ADAMTSL1: variants seen among roughly 807,000 people sequenced by gnomAD.
The protein encoded by ADAMTSL1 is ADAMTS like 1.
A neutral mutation model predicts 201.8 loss-of-function variants in ADAMTSL1; 126 were observed. The observed-to-expected ratio is 0.62, with a 90% CI of 0.54 to 0.72. ADAMTSL1 has a LOEUF of 0.72. Among genes scored for constraint, ADAMTSL1 ranks in the 30% least tolerant of loss-of-function variants. The pLI is 0.00. For missense variants in ADAMTSL1, 2,679 were observed against 2,277.8 expected (o/e 1.18, Z -3.59); for synonymous variants, 1,121 against 903.4 (o/e 1.24, Z -4.32).
At chr9:18,722,130 A>G (rs1833427310) in intron 15 of ADAMTSL1, among the ~76,000 whole-genome samples, 1 of 141,706 alleles carries the variant, frequency 7.1e-6, no homozygotes, top group African/African-American at 2.5e-5. Context: ...TCATCGTAGC[A>G]TGCTCTGGGG....
At position 18,795,491 on chromosome 9, in the gene ADAMTSL1, T is replaced by A; in HGVS notation, c.3772T>A (p.Tyr1258Asn). Residue 1258 changes from tyrosine (Y) to asparagine (N), a missense_variant, in exon 20 of 29, where the codon TAC (tyrosine) becomes AAC (asparagine). Tyr to Asn is a moderately radical substitution (Grantham distance 143, BLOSUM62 -2). Coordinates refer to ENST00000380548, the MANE Select transcript of ADAMTSL1 (RefSeq NM_001040272.6). Reference protein sequence around the residue: ...YTCNATNALGYDSVSIAVTLA... With the variant: ...YTCNATNALGNDSVSIAVTLA... ...TTGCAATGCCACCAATGCCTTGGGA[T>A]ACGACTCTGTCTCCATTGCCGTCAC... The A allele has an allele frequency of 6.2e-7, 1 of 1,613,732 alleles. No homozygotes were observed. The highest frequency in any genetic ancestry group is 8.5e-7 in the Non-Finnish European group (1 of 1,179,780).
At position 18,569,003 on chromosome 9, in the gene ADAMTSL1, G is replaced by T. The variant is rs1359181841; in HGVS notation, c.238-5027G>T. ...AAAAATTAATGCTTCTCCTGACCCT[G>T]AATCTACATTATGTATATTTTTCAA... On this transcript the variant is annotated intron_variant, in intron 3 of 28. Transcript: ENST00000380548. 3.9e-4 allele frequency among the ~76,000 whole-genome samples: 60 copies of T among 152,252 alleles called. No homozygotes were observed. The East Asian group carries it at 0.011, about 29-fold the overall frequency.
chr9:18,804,420 G>T (rs4977444), intron 20 of ADAMTSL1, among the ~76,000 whole-genome samples: 118,899 of 152,130 alleles, frequency 0.78, 46,663 homozygotes, highest in Non-Finnish European at 0.79. Context: ...TTGCAAGAAG[G>T]TCAGCAGGGA....
chr9:18,349,689 C>T lies in ADAMTSL1; in HGVS notation c.208-155140C>T, dbSNP rs1448470710. ...AATTACACCTAGTAACACATTTACC[C>T]ATTTCCATCGGGCTGGAATCTATTC... On this transcript the variant is annotated intron_variant, in intron 2 of 29. Coordinates refer to the ADAMTSL1 transcript ENST00000680146. Among the ~76,000 whole-genome samples the T allele has an allele frequency of 1.3e-5, 2 of 152,104 alleles. 1 individual carries two copies. The highest frequency in any genetic ancestry group is 4.8e-5 in the African/African-American group (2 of 41,422).
chr9:18,646,082 T>A (rs1419744607), intron 7 of ADAMTSL1, among the ~76,000 whole-genome samples: 1 of 152,040 alleles, frequency 6.6e-6, no homozygotes, highest in Non-Finnish European at 1.5e-5. Context: ...TGGTTTGTAG[T>A]TCTCCTTGAA....
At chr9:17,969,398 A>C (rs765157303) in intron 1 of ADAMTSL1, among the ~76,000 whole-genome samples, 1 of 152,084 alleles carries the variant, frequency 6.6e-6, no homozygotes, top group East Asian at 1.9e-4. Context: ...GCTGAGATAC[A>C]GGAGGTAGAC....
chr9:18,415,214 T>C (rs1271562319), intron 2 of ADAMTSL1, among the ~76,000 whole-genome samples: 1 of 152,024 alleles, frequency 6.6e-6, no homozygotes, highest in African/African-American at 2.4e-5. Context: ...ATATAACCCG[T>C]AAAAAAGGAG....
At chr9:17,952,626 T>C (rs977243526) in intron 1 of ADAMTSL1, among the ~76,000 whole-genome samples, 20 of 152,176 alleles carry the variant, frequency 1.3e-4, no homozygotes, top group African/African-American at 4.6e-4. Context: ...AGAGTCTTGC[T>C]CTGTTGCCCA....
chr9:18,725,185 C>T lies in ADAMTSL1; in HGVS notation c.2006+3520C>T, dbSNP rs544978431. Among the ~76,000 whole-genome samples the T allele has an allele frequency of 4.7e-3, 720 of 152,224 alleles. 4 individuals are homozygous for T. Among genetic ancestry groups the T allele is most frequent in the Admixed American group, 7.8e-3 (120 of 15,292 alleles). ...CCTCCCAAAGTGCTGGGATTACAGG[C>T]GTGAGCCAACGTGCCCGGCCAGGAT... On this transcript the variant is annotated intron_variant, in intron 15 of 28. Coordinates refer to ENST00000380548, the MANE Select transcript of ADAMTSL1 (RefSeq NM_001040272.6).
intron 7 of ADAMTSL1, among the ~76,000 whole-genome samples, chr9:18,640,316 G>A (rs1827360577): frequency 1.3e-5 from 2 of 152,118 alleles, no homozygotes; most frequent in Non-Finnish European, 1.5e-5. Flanking sequence ...GCTCACAATA[G>A]AAATGATGCT....
chr9:18,551,179 G>C (rs1820778957), intron 3 of ADAMTSL1, among the ~76,000 whole-genome samples: 1 of 151,816 alleles, frequency 6.6e-6, no homozygotes. Flanking sequence ...AATTATACTT[G>C]TTCTCTTTGC....
intron 2 of ADAMTSL1, among the ~76,000 whole-genome samples, chr9:18,526,945 C>T (rs1348841530): frequency 6.6e-6 from 1 of 152,102 alleles, no homozygotes; most frequent in African/African-American, 2.4e-5. Flanking sequence ...TGTCTTTTCT[C>T]TTGTAAAGAG....
intron 16 of ADAMTSL1, among the ~76,000 whole-genome samples, chr9:18,755,642 C>T (rs1819707345): frequency 6.6e-6 from 1 of 152,156 alleles, no homozygotes; most frequent in Non-Finnish European, 1.5e-5. Flanking sequence ...GGTCAATTGC[C>T]ATCACCACCA....
intron 1 of ADAMTSL1, among the ~76,000 whole-genome samples, chr9:18,113,732 C>T (rs1411798): frequency 0.024 from 3,623 of 152,000 alleles, 132 homozygotes; most frequent in African/African-American, 0.08. Context: ...AGTCACTGTT[C>T]TGAGGACTTG....
chr9:18,343,252 C>A (rs1835552496), intron 2 of ADAMTSL1, among the ~76,000 whole-genome samples: 1 of 151,908 alleles, frequency 6.6e-6, no homozygotes, highest in Non-Finnish European at 1.5e-5. Context: ...TAGGAAAGCT[C>A]CCCCCATATG....
At chr9:18,787,945 G>C (rs1821798379) in intron 19 of ADAMTSL1, among the ~76,000 whole-genome samples, 1 of 152,190 alleles carries the variant, frequency 6.6e-6, no homozygotes, top group African/African-American at 2.4e-5. Flanking sequence ...ACTTCTGAAA[G>C]AGAAGGAAGT....
chr9:18,719,138 C>T (rs1833163447), intron 14 of ADAMTSL1, among the ~76,000 whole-genome samples: 1 of 152,140 alleles, frequency 6.6e-6, no homozygotes, highest in Non-Finnish European at 1.5e-5. Flanking sequence ...CTCATCCCAT[C>T]TACAACCAAG....
chr9:18,248,153 G>C (rs1162341032), intron 2 of ADAMTSL1, among the ~76,000 whole-genome samples: 1 of 152,136 alleles, frequency 6.6e-6, no homozygotes, highest in African/African-American at 2.4e-5. Context: ...AACATTGCTA[G>C]ATGCCATAAT....
At chr9:18,307,897 T>A (rs1367200984) in intron 2 of ADAMTSL1, among the ~76,000 whole-genome samples, 1 of 152,156 alleles carries the variant, frequency 6.6e-6, no homozygotes, top group Non-Finnish European at 1.5e-5. Flanking sequence ...TATACATTCT[T>A]TTCAGCACCA....
Sources: allele counts gnomAD v4.1 joint callset (sites outside exome capture counted in the v4.1 genomes callset), GRCh38; gene constraint gnomAD v4.1.1; transcripts MANE v1.5; gene names NCBI Gene and HGNC (gene_info 2026-07-23, HGNC 2026-07-21).